ESYT2: variants seen among roughly 807,000 people sequenced by gnomAD.
ESYT2 encodes the protein extended synaptotagmin-2.
A neutral mutation model predicts 107.2 loss-of-function variants in ESYT2; 54 were observed. The ratio of observed to expected loss-of-function variants is 0.50; its 90% CI spans 0.40 to 0.63. The LOEUF is 0.63. Among genes scored for constraint, ESYT2 ranks in the 30% least tolerant of loss-of-function variants. The pLI is 0.00. For missense variants in ESYT2, 1,020 were observed against 1,094.5 expected (o/e 0.93, Z 0.96); for synonymous variants, 491 against 434.1 (o/e 1.13, Z -1.63).
At chr7:158,753,176 G>A (rs1041789281) in intron 13 of ESYT2, among the ~76,000 whole-genome samples, 1 of 152,152 alleles carries the variant, frequency 6.6e-6, no homozygotes, top group African/African-American at 2.4e-5. Flanking sequence ...ACTATTCTAT[G>A]CTGAATAAAC....
chr7:158,734,516 C>A (rs1041054731), intron 21 of ESYT2, 45 bp from the exon 22 acceptor site: 2 of 1,568,182 alleles, frequency 1.3e-6, no homozygotes, highest in Admixed American at 3.5e-5. Flanking sequence ...GGGCTGGGGG[C>A]ACTGGCTCCC....
intron 8 of ESYT2, 99 bp downstream of exon 8, chr7:158,767,555 T>C: frequency 6.7e-7 from 1 of 1,503,078 alleles, no homozygotes; most frequent in Non-Finnish European, 9.0e-7. Flanking sequence ...AGCTGGCTGC[T>C]GGGGAGAGAC....
rs191674815 is a variant in ESYT2, at chr7:158,736,135, C to T, written c.2400-527G>A. 1.3e-4 allele frequency among the ~76,000 whole-genome samples: 19 copies of T among 151,956 alleles called. No individual in the cohort carries two copies. In the East Asian group the frequency reaches 3.1e-3, roughly 25 times the overall value. ...TGCAGGGCGTCTCTCCTCCGGGCTG[C>T]GGGTGCCTGCCCCAGGCCACCGTGC... On this transcript the variant is annotated intron_variant, in intron 20 of 22. Coordinates refer to ENST00000275418, the MANE Select transcript of ESYT2 (RefSeq NM_001367773.1).
At chr7:158,816,316 C>A (rs1840148326) in intron 1 of ESYT2, among the ~76,000 whole-genome samples, 1 of 152,216 alleles carries the variant, frequency 6.6e-6, no homozygotes, top group Admixed American at 6.5e-5. Context: ...CACAACCACA[C>A]TCCAGCCTAG....
chr7:158,806,869 TATTA>T (rs1407571653), intron 1 of ESYT2, among the ~76,000 whole-genome samples: 2 of 152,168 alleles, frequency 1.3e-5, no homozygotes, highest in Non-Finnish European at 2.9e-5. Flanking sequence ...ATCAAATGAA[TATTA>T]ATTCAAATAT....
At position 158,734,077 on chromosome 7, in the gene ESYT2, A is replaced by C. The variant is rs560076914; in HGVS notation, c.*130T>G. ...ATTTGCCTGAAATGTCAACAATTTT[A>C]TAAAACTATTAAGGTATGTATAACT... On this transcript the variant is annotated 3_prime_UTR_variant, in exon 23 of 23. Transcript: ENST00000275418. 16 of 1,132,268 alleles carry C rather than the reference A, an allele frequency of 1.4e-5. No individual in the cohort carries two copies. In the African/African-American group the frequency reaches 2.6e-4, roughly 18 times the overall value. 70.1% of individuals were successfully genotyped at this position (1,132,268 alleles called of 1,614,324 possible).
chr7:158,823,768 T>C (rs1242914821), intron 1 of ESYT2, among the ~76,000 whole-genome samples: 1 of 152,162 alleles, frequency 6.6e-6, no homozygotes, highest in Non-Finnish European at 1.5e-5. Context: ...AATGTGGAAA[T>C]CATGAAAGCC....
chr7:158,731,552 C>T lies in ESYT2; in HGVS notation c.*2655G>A, dbSNP rs1836753563. 6.6e-6 allele frequency: 1 copy of T among 152,590 alleles called. No individual in the cohort carries two copies. The highest frequency in any genetic ancestry group is 1.5e-5 in the Non-Finnish European group (1 of 68,058). The allele number at this position is 152,590 out of a possible 1,614,324, so 9.5% of individuals were successfully genotyped here. A position where few individuals can be genotyped will look rare whatever the true frequency, so the allele number is the denominator to read the frequency against. On this transcript the variant is annotated 3_prime_UTR_variant, in exon 23 of 23. Coordinates refer to ENST00000275418, the MANE Select transcript of ESYT2 (RefSeq NM_001367773.1). ...GAACTCCTGACCTCAGGTCATCCGC[C>T]CGCCTCGGCCTCCCAAAGTGCTGGG...
chr7:158,768,166 C>CT (rs989284500), intron 7 of ESYT2, among the ~76,000 whole-genome samples: 27 of 152,270 alleles, frequency 1.8e-4, no homozygotes, highest in South Asian at 1.7e-3. Context: ...ACCTCATTGA[C>CT]TTTTTTTAAC....
At chr7:158,799,564 C>T (rs1839571139) in intron 1 of ESYT2, among the ~76,000 whole-genome samples, 1 of 152,174 alleles carries the variant, frequency 6.6e-6, no homozygotes. Context: ...AGCTTGTCTG[C>T]AATGTGCTAC....
chr7:158,824,511 T>C (rs1253375577), intron 1 of ESYT2, among the ~76,000 whole-genome samples: 1 of 152,208 alleles, frequency 6.6e-6, no homozygotes, highest in Non-Finnish European at 1.5e-5. Flanking sequence ...ATACCATATT[T>C]TTGCTAGAGT....
Position 158,741,663 on chromosome 7 carries a change from G to C in ESYT2, c.2028C>G (p.His676Gln), listed in dbSNP as rs368676835. The C allele has an allele frequency of 4.3e-6, 7 of 1,613,764 alleles. No homozygotes were observed. In the Admixed American group the frequency reaches 1.0e-4, roughly 23 times the overall value. The change falls in exon 18 of 23, where the codon CAC (histidine) becomes CAG (glutamine). Residue 676 changes from histidine (H) to glutamine (Q), a missense_variant. Coordinates refer to ENST00000275418, the MANE Select transcript of ESYT2 (RefSeq NM_001367773.1). ...GGCTGGAGGAGCTTCTGCCCAGGTC[G>C]TGCAGCCCCTGAGGGCCGGCCTCAG... ...QPPEAGPQGLHDLGRSSSSLL... is the reference protein window; with the variant it reads ...QPPEAGPQGLQDLGRSSSSLL...
intron 1 of ESYT2, among the ~76,000 whole-genome samples, chr7:158,809,413 T>G (rs1303015779): frequency 1.4e-5 from 2 of 138,024 alleles, no homozygotes; most frequent in Non-Finnish European, 3.0e-5. Flanking sequence ...GAGGCGAAGG[T>G]TGCAGTGAGC....
chr7:158,772,938 G>A (rs1838427341), intron 7 of ESYT2, among the ~76,000 whole-genome samples: 2 of 149,476 alleles, frequency 1.3e-5, no homozygotes, highest in South Asian at 2.1e-4. Context: ...CCATAGGCTG[G>A]AGAGACCCTG....
chr7:158,810,894 C>T (rs1839975852), intron 1 of ESYT2, among the ~76,000 whole-genome samples: 1 of 151,840 alleles, frequency 6.6e-6, no homozygotes, highest in African/African-American at 2.4e-5. Context: ...TAAGAGATTT[C>T]GGTGATGGTT....
At chr7:158,740,748 A>G (rs1330730058) in intron 18 of ESYT2, among the ~76,000 whole-genome samples, 1 of 152,246 alleles carries the variant, frequency 6.6e-6, no homozygotes, top group Non-Finnish European at 1.5e-5. Flanking sequence ...AGTGGACATG[A>G]GAAAGCATGA....
At position 158,779,633 on chromosome 7, in the gene ESYT2, C is replaced by T. The variant is rs1451320787; in HGVS notation, c.748-6237G>A. On this transcript the variant is annotated intron_variant, in intron 6 of 22. Transcript: ENST00000275418. Reference sequence around the variant, plus strand: ...TTCACTGGACCCACATGGGAAGAAACGACTGATTTTTAAGGACAGCTGTGC... The same window carrying T: ...TTCACTGGACCCACATGGGAAGAAATGACTGATTTTTAAGGACAGCTGTGC... 4.6e-5 allele frequency among the ~76,000 whole-genome samples: 7 copies of T among 152,240 alleles called. No individual in the cohort carries two copies. The South Asian group carries it at 6.2e-4, about 14-fold the overall frequency.
chr7:158,815,993 G>GGTCA (rs1840140538), intron 1 of ESYT2, among the ~76,000 whole-genome samples: 1 of 152,094 alleles, frequency 6.6e-6, no homozygotes, highest in South Asian at 2.1e-4. Context: ...CTCAAAAGAT[G>GGTCA]GTCACGTCCT....
At chr7:158,788,560 C>A (rs1839184518) in intron 4 of ESYT2, 143 bp from the exon 5 acceptor site, 1 of 686,974 alleles carries the variant, frequency 1.5e-6, no homozygotes, top group South Asian at 2.2e-5. Context: ...AAATGTGGCC[C>A]ATCAAATTAT....
Sources: allele counts gnomAD v4.1 joint callset (sites outside exome capture counted in the v4.1 genomes callset), GRCh38; gene constraint gnomAD v4.1.1; transcripts MANE v1.5; gene names NCBI Gene and HGNC (gene_info 2026-07-23, HGNC 2026-07-21).